The following SEMA5A variants were observed in gnomAD, a reference collection of about 807,000 sequenced individuals.
The protein encoded by SEMA5A is semaphorin 5A, also known as semaphorin-5A.
SEMA5A carries 55 observed loss-of-function variants against 135.5 expected under a neutral mutation model. That is an observed-to-expected ratio of 0.41 (90% CI 0.33 to 0.51). The LOEUF (loss-of-function observed/expected upper bound fraction) is 0.51, where lower values mean the gene tolerates loss of function less well. SEMA5A is among the 20% of genes least tolerant of loss of function. SEMA5A has a pLI of 0.37. For synonymous variants in SEMA5A, 580 were observed against 546.5 expected, an observed-to-expected ratio of 1.06 and a Z score of -0.85; for missense variants, 1,290 against 1,419.9, an observed-to-expected ratio of 0.91 and a Z score of 1.47.
At chr5:9,253,907 T>C (rs533741686) in intron 5 of SEMA5A, among the ~76,000 whole-genome samples, 3 of 152,308 alleles carry the variant, frequency 2.0e-5, no homozygotes, top group East Asian at 1.9e-4. Flanking sequence ...AAAACTATTA[T>C]AGCATGATCA....
chr5:9,131,825 C>T (rs1741451455), intron 13 of SEMA5A, among the ~76,000 whole-genome samples: 1 of 151,790 alleles, frequency 6.6e-6, no homozygotes, highest in Admixed American at 6.6e-5. Context: ...AACATGCAGA[C>T]TATAATACAT....
At chr5:9,480,055 A>G (rs1033461811) in intron 1 of SEMA5A, among the ~76,000 whole-genome samples, 1 of 152,140 alleles carries the variant, frequency 6.6e-6, no homozygotes, top group Admixed American at 6.5e-5. Context: ...GGACCAGATT[A>G]TTCTCTGTTG....
chr5:9,333,474 T>G (rs1753249827), intron 4 of SEMA5A, among the ~76,000 whole-genome samples: 1 of 152,206 alleles, frequency 6.6e-6, no homozygotes, highest in Non-Finnish European at 1.5e-5. Context: ...ACCCTTAGAA[T>G]GAACCTGAAA....
chr5:9,178,494 G>GCTACTTTTTTTTAT (rs1397468681), intron 11 of SEMA5A, among the ~76,000 whole-genome samples: 2 of 151,902 alleles, frequency 1.3e-5, no homozygotes, highest in African/African-American at 4.8e-5. Context: ...CCCACACCCG[G>GCTACTTTTTTTTAT]CTACTTTTTT....
At chr5:9,377,128 G>C (rs1456510772) in intron 3 of SEMA5A, among the ~76,000 whole-genome samples, 2 of 148,384 alleles carry the variant, frequency 1.3e-5, no homozygotes, top group Admixed American at 6.7e-5. Context: ...AAAAAAGAAT[G>C]ACATCAATCT....
chr5:9,392,940 G>A (rs1756230818), intron 2 of SEMA5A, among the ~76,000 whole-genome samples: 2 of 152,328 alleles, frequency 1.3e-5, no homozygotes, highest in Non-Finnish European at 2.9e-5. Flanking sequence ...GTACAAGTTA[G>A]TTCACAGTCA....
At chr5:9,169,024 T>A (rs1223194091) in intron 11 of SEMA5A, among the ~76,000 whole-genome samples, 1 of 152,120 alleles carries the variant, frequency 6.6e-6, no homozygotes, top group Non-Finnish European at 1.5e-5. Flanking sequence ...AAGTTAAGGA[T>A]GAAGTATTTG....
At chr5:9,197,728 T>G (rs144605261) in intron 9 of SEMA5A, among the ~76,000 whole-genome samples, 33 of 59,282 alleles carry the variant, frequency 5.6e-4, no homozygotes, top group Admixed American at 8.8e-4. Flanking sequence ...GGAAAGCTGT[T>G]TGTGTGTGTG....
intron 17 of SEMA5A, among the ~76,000 whole-genome samples, chr5:9,065,661 C>G (rs952578569): frequency 2.6e-5 from 4 of 152,230 alleles, no homozygotes; most frequent in Non-Finnish European, 1.5e-5. Flanking sequence ...CTGTTGGTAT[C>G]TTTTCCTTTG....
chr5:9,233,538 A>G (rs1347523559), intron 6 of SEMA5A, among the ~76,000 whole-genome samples: 1 of 151,968 alleles, frequency 6.6e-6, no homozygotes, highest in Non-Finnish European at 1.5e-5. Context: ...GGAGCTGAAC[A>G]TTTTCTAAAT....
chr5:9,369,281 C>A (rs1375681420), intron 3 of SEMA5A, among the ~76,000 whole-genome samples: 2 of 152,016 alleles, frequency 1.3e-5, no homozygotes, highest in Non-Finnish European at 2.9e-5. Flanking sequence ...TGCAAATATT[C>A]CCACACAGTG....
At chr5:9,079,843 T>C (rs576140293) in intron 16 of SEMA5A, among the ~76,000 whole-genome samples, 2 of 152,018 alleles carry the variant, frequency 1.3e-5, no homozygotes, top group Non-Finnish European at 2.9e-5. Flanking sequence ...AAAAACACAA[T>C]GAGACACCAT....
intron 6 of SEMA5A, among the ~76,000 whole-genome samples, chr5:9,230,193 A>G (rs1579668272): frequency 9.4e-6 from 1 of 106,138 alleles, no homozygotes. Flanking sequence ...AGGGTCAAGG[A>G]CTCATTATGT....
intron 3 of SEMA5A, among the ~76,000 whole-genome samples, chr5:9,366,844 C>T (rs1322109650): frequency 6.6e-6 from 1 of 152,208 alleles, no homozygotes; most frequent in Non-Finnish European, 1.5e-5. Flanking sequence ...GATATAGTAG[C>T]CCTATGGGCT....
chr5:9,327,025 T>C (rs1752910963), intron 4 of SEMA5A, among the ~76,000 whole-genome samples: 1 of 152,214 alleles, frequency 6.6e-6, no homozygotes, highest in African/African-American at 2.4e-5. Flanking sequence ...AGACTTTTTA[T>C]TTTGTGGTTA....
chr5:9,051,252 G>T (rs1335933058), intron 20 of SEMA5A, among the ~76,000 whole-genome samples: 1 of 152,166 alleles, frequency 6.6e-6, no homozygotes, highest in Non-Finnish European at 1.5e-5. Flanking sequence ...CTATTTATTT[G>T]TAAGAGGCTG....
intron 14 of SEMA5A, 147 bp from the exon 15 acceptor site, chr5:9,119,288 G>T: frequency 2.2e-6 from 2 of 900,630 alleles, no homozygotes; most frequent in Non-Finnish European, 3.4e-6. Flanking sequence ...GGGACTGAAT[G>T]GACTGCACCC....
intron 1 of SEMA5A, among the ~76,000 whole-genome samples, chr5:9,468,655 C>A (rs13171685): frequency 0.29 from 43,902 of 151,058 alleles, 6,707 homozygotes; most frequent in East Asian, 0.52. Context: ...CCTTGAATAC[C>A]ATCCAAAAAT....
intron 3 of SEMA5A, among the ~76,000 whole-genome samples, chr5:9,341,223 CACAT>C (rs1484427897): frequency 2.6e-5 from 4 of 151,454 alleles, no homozygotes; most frequent in Non-Finnish European, 4.4e-5. Flanking sequence ...CACACACACA[CACAT>C]ACACTATATT....
Sources: allele counts gnomAD v4.1 joint callset (sites outside exome capture counted in the v4.1 genomes callset), GRCh38; gene constraint gnomAD v4.1.1; transcripts MANE v1.5; gene names NCBI Gene and HGNC (gene_info 2026-07-23, HGNC 2026-07-21).